The following DLGAP2 variants were observed in gnomAD, a reference collection of about 807,000 sequenced individuals.
DLGAP2 encodes DLG associated protein 2.
In DLGAP2, 26 loss-of-function variants were observed where a neutral mutation model predicts 100.3. The observed-to-expected ratio is 0.26, with a 90% CI of 0.19 to 0.36. The LOEUF is 0.36. Among genes scored for constraint, DLGAP2 ranks in the 10% least tolerant of loss-of-function variants. DLGAP2 has a pLI of 1.00. For synonymous variants in DLGAP2, 886 were observed against 630.1 expected (o/e 1.41, Z -6.08); for missense variants, 1,858 against 1,453.2 (o/e 1.28, Z -4.53).
At chr8:798,775 C>A (rs1254526882) in intron 1 of DLGAP2, among the ~76,000 whole-genome samples, 2 of 147,292 alleles carry the variant, frequency 1.4e-5, no homozygotes, top group African/African-American at 2.5e-5. Flanking sequence ...TGAGTCAGGA[C>A]CTGCAGCCCC....
chr8:1,450,347 GCGACC>G (rs1234911580), intron 3 of DLGAP2, among the ~76,000 whole-genome samples: 3,295 of 104,910 alleles, frequency 0.031, 802 homozygotes, highest in Middle Eastern at 0.061. Flanking sequence ...GACGAGGTGG[GCGACC>G]TCGGTGGCTG....
intron 4 of DLGAP2, among the ~76,000 whole-genome samples, chr8:1,523,168 GC>G (rs1168373264): frequency 2.0e-5 from 3 of 152,150 alleles, no homozygotes; most frequent in Non-Finnish European, 4.4e-5. Flanking sequence ...TGAGGAAAAG[GC>G]CCCCCTCTGG....
chr8:1,231,729 G>C (rs1798540067), intron 2 of DLGAP2, among the ~76,000 whole-genome samples: 1 of 152,176 alleles, frequency 6.6e-6, no homozygotes, highest in South Asian at 2.1e-4. Context: ...CACAGGAACA[G>C]AAAATCAAAT....
intron 3 of DLGAP2, among the ~76,000 whole-genome samples, chr8:1,471,934 G>T (rs1395026824): frequency 1.3e-5 from 2 of 152,224 alleles, no homozygotes; most frequent in African/African-American, 2.4e-5. Flanking sequence ...CACTTCTTGT[G>T]CCCAGTACAA....
At chr8:758,402 T>C (rs1351340234) in intron 1 of DLGAP2, among the ~76,000 whole-genome samples, 1 of 152,106 alleles carries the variant, frequency 6.6e-6, no homozygotes, top group Admixed American at 6.5e-5. Context: ...TTAATATTTA[T>C]ATATTTATAG....
chr8:1,326,456 C>G (rs1801023205), intron 3 of DLGAP2, among the ~76,000 whole-genome samples: 1 of 152,132 alleles, frequency 6.6e-6, no homozygotes, highest in Non-Finnish European at 1.5e-5. Flanking sequence ...GCCGCCCTGT[C>G]TTTCAGGACA....
chr8:1,133,421 T>A (rs1796338951), intron 2 of DLGAP2, among the ~76,000 whole-genome samples: 1 of 152,134 alleles, frequency 6.6e-6, no homozygotes, highest in African/African-American at 2.4e-5. Context: ...TCATGAGAAA[T>A]ATATATGAAT....
intron 2 of DLGAP2, among the ~76,000 whole-genome samples, chr8:1,200,324 C>G (rs111625497): frequency 5.9e-5 from 9 of 152,246 alleles, no homozygotes; most frequent in African/African-American, 2.2e-4. Context: ...TCTCACTGAG[C>G]TCAGTCCCGT....
At chr8:1,333,065 G>A (rs1801194551) in intron 3 of DLGAP2, among the ~76,000 whole-genome samples, 1 of 152,314 alleles carries the variant, frequency 6.6e-6, no homozygotes, top group African/African-American at 2.4e-5. Context: ...AAGCGATGGT[G>A]TCTGGAGGAG....
chr8:1,160,908 G>A (rs544659423), intron 2 of DLGAP2, among the ~76,000 whole-genome samples: 76 of 152,308 alleles, frequency 5.0e-4, no homozygotes, highest in Middle Eastern at 3.4e-3. Context: ...AAGACTGGCC[G>A]TCATCTGGGT....
chr8:1,322,827 T>C (rs6558446), intron 3 of DLGAP2, among the ~76,000 whole-genome samples: 130,200 of 152,232 alleles, frequency 0.86, 56,032 homozygotes, highest in African/African-American at 0.94. Context: ...TCCTCTTTAA[T>C]GGTCCTATAT....
chr8:1,126,102 G>C (rs1174289545), intron 2 of DLGAP2, among the ~76,000 whole-genome samples: 1 of 152,238 alleles, frequency 6.6e-6, no homozygotes, highest in African/African-American at 2.4e-5. Context: ...TAAAATCCCA[G>C]TGTCTGATGG....
chr8:1,692,547 G>A (rs559837168), intron 13 of DLGAP2, among the ~76,000 whole-genome samples: 7 of 152,278 alleles, frequency 4.6e-5, no homozygotes, highest in Admixed American at 1.3e-4. Flanking sequence ...GCAGCGCGGC[G>A]TGACACTGTG....
chr8:1,444,105 G>A (rs1297230605), intron 3 of DLGAP2, among the ~76,000 whole-genome samples: 1 of 151,984 alleles, frequency 6.6e-6, no homozygotes, highest in Non-Finnish European at 1.5e-5. Context: ...AAGCTCCAGT[G>A]CTTTTTGTCT....
At chr8:877,887 T>A (rs1257151031) in intron 1 of DLGAP2, among the ~76,000 whole-genome samples, 2 of 152,170 alleles carry the variant, frequency 1.3e-5, no homozygotes, top group African/African-American at 4.8e-5. Context: ...AGCAGAAAAA[T>A]GAAGACATCC....
rs1441524466 is a variant in DLGAP2 at position 881,668 on chromosome 8, C to T, written c.19-26244C>T. Among the ~76,000 whole-genome samples, 595 of 120,350 alleles carry T rather than the reference C, an allele frequency of 4.9e-3. 14 individuals are homozygous for T. Among genetic ancestry groups the T allele is most frequent in the African/African-American group, 0.016 (540 of 33,434 alleles). 79.0% of individuals were successfully genotyped at this position (120,350 alleles called of 152,430 possible). ...GCGCACGCCACCACTTGTGGCTGAA[C>T]ACACACACACACACTTTTTTTTTTT... On this transcript the variant is annotated intron_variant, in intron 1 of 14. Transcript: ENST00000637795.
At chr8:1,194,338 C>G (rs1045506098) in intron 2 of DLGAP2, among the ~76,000 whole-genome samples, 1 of 152,002 alleles carries the variant, frequency 6.6e-6, no homozygotes, top group Admixed American at 6.5e-5. Context: ...GGAGGGAGCC[C>G]GGATGCCTGG....
chr8:1,065,793 C>T (rs1453436588), intron 2 of DLGAP2, among the ~76,000 whole-genome samples: 1 of 152,152 alleles, frequency 6.6e-6, no homozygotes, highest in Non-Finnish European at 1.5e-5. Context: ...TGTCGAAGCC[C>T]CCAAATAGTT....
chr8:1,237,655 A>G (rs201770377), intron 2 of DLGAP2, among the ~76,000 whole-genome samples: 6 of 22,598 alleles, frequency 2.7e-4, no homozygotes, highest in African/African-American at 7.5e-4. Context: ...TCTCTCACAC[A>G]TAGCGTCATG....
Sources: gnomAD v4.1 joint callset for allele counts (sites outside exome capture counted in the v4.1 genomes callset) on GRCh38, gnomAD v4.1.1 for gene constraint, MANE v1.5 for transcripts, NCBI Gene and HGNC (gene_info 2026-07-23, HGNC 2026-07-21) for gene names.